The following ERICH5 variants were observed in gnomAD, a reference collection of about 807,000 sequenced individuals.
ERICH5 encodes the protein glutamate-rich protein 5.
A neutral mutation model predicts 28.0 loss-of-function variants in ERICH5; 24 were observed. The ratio of observed to expected loss-of-function variants is 0.86; its 90% CI spans 0.62 to 1.21. ERICH5 has a LOEUF of 1.21. ERICH5 is among the 50% of genes most tolerant of loss of function. The pLI is 0.00. For synonymous variants in ERICH5, 163 were observed against 157.6 expected (o/e 1.03, Z -0.25); for missense variants, 421 against 441.2 (o/e 0.95, Z 0.41).
intron 1 of ERICH5, among the ~76,000 whole-genome samples, chr8:98,067,534 T>A (rs1254943861): frequency 6.6e-6 from 1 of 151,874 alleles, no homozygotes; most frequent in Non-Finnish European, 1.5e-5. Flanking sequence ...CTCAGATCAC[T>A]CTGGATCCCC....
chr8:98,091,966 T>C (rs1387043553), intron 2 of ERICH5, among the ~76,000 whole-genome samples: 9 of 36,008 alleles, frequency 2.5e-4, no homozygotes, highest in African/African-American at 6.7e-4. Context: ...CTTTCTTTTT[T>C]CTTTCTTTTT....
At position 98,079,093 on chromosome 8, in the gene ERICH5, T is replaced by C. The variant is rs116969543; in HGVS notation, c.59-9983T>C. Among the ~76,000 whole-genome samples, 1,466 of 150,246 alleles carry C rather than the reference T, an allele frequency of 9.8e-3. 11 individuals carry two copies. The highest frequency in any genetic ancestry group is 0.017 in the Middle Eastern group (5 of 286). ...ACCAAGTTGTGCTTAATGAAGGGAGTAGCTATTTGAATTTCCCCGAAGACA... is the reference window on the plus strand; with the variant it reads ...ACCAAGTTGTGCTTAATGAAGGGAGCAGCTATTTGAATTTCCCCGAAGACA... On this transcript the variant is annotated intron_variant, in intron 1 of 2. Coordinates refer to ENST00000318528, the MANE Select transcript of ERICH5 (RefSeq NM_173549.3).
intron 1 of ERICH5, among the ~76,000 whole-genome samples, chr8:98,071,578 A>G (rs1814919523): frequency 6.6e-6 from 1 of 152,080 alleles, no homozygotes; most frequent in African/African-American, 2.4e-5. Flanking sequence ...CCTGGACCCA[A>G]ATTATCCTTC....
chr8:98,091,841 T>C (rs1053258743), intron 2 of ERICH5, among the ~76,000 whole-genome samples: 2 of 47,440 alleles, frequency 4.2e-5, no homozygotes, highest in Non-Finnish European at 8.6e-5. Context: ...TTTCTTTTTC[T>C]TTCTTTCTTT....
intron 1 of ERICH5, among the ~76,000 whole-genome samples, chr8:98,084,076 A>C: frequency 7.0e-6 from 1 of 143,028 alleles, no homozygotes. Flanking sequence ...TTTTGTAGAC[A>C]TCAGGTCTCG....
At chr8:98,067,261 C>T (rs1237797410) in intron 1 of ERICH5, among the ~76,000 whole-genome samples, 1 of 151,086 alleles carries the variant, frequency 6.6e-6, no homozygotes, top group Admixed American at 6.6e-5. Context: ...ATAGTAAGAC[C>T]CTGTATCTAA....
intron 1 of ERICH5, among the ~76,000 whole-genome samples, chr8:98,083,910 C>G (rs1815225435): frequency 6.6e-6 from 1 of 152,160 alleles, no homozygotes; most frequent in African/African-American, 2.4e-5. Flanking sequence ...GAGACAGGGT[C>G]TCACTCCCTT....
intron 1 of ERICH5, among the ~76,000 whole-genome samples, chr8:98,079,329 C>T (rs1171780458): frequency 4.0e-5 from 6 of 151,838 alleles, no homozygotes; most frequent in Non-Finnish European, 8.8e-5. Flanking sequence ...TGCCACCATG[C>T]CCAGCTAATC....
chr8:98,089,882 A>C lies in ERICH5; in HGVS notation c.865A>C (p.Thr289Pro). The C allele has an allele frequency of 6.2e-7, 1 of 1,614,190 alleles. No individual in the cohort carries two copies. The highest frequency in any genetic ancestry group is 8.5e-7 in the Non-Finnish European group (1 of 1,180,032). The change falls in exon 2 of 3, where the codon ACT (threonine) becomes CCT (proline). Residue 289 changes from threonine (T) to proline (P), a missense_variant. By Grantham distance (38) the Thr-to-Pro change is conservative. Transcript: ENST00000318528. Reference sequence around the variant, plus strand: ...TGTTATGAATGATCCATTCCATAAAACTCCTGAAGGTCCAGGAAACATGGA... The same window carrying C: ...TGTTATGAATGATCCATTCCATAAACCTCCTGAAGGTCCAGGAAACATGGA... The part of the protein sequence containing the change: ...KPVMNDPFHK[T>P]PEGPGNMEQI...
At chr8:98,076,666 C>T (rs1174724818) in intron 1 of ERICH5, among the ~76,000 whole-genome samples, 2 of 152,130 alleles carry the variant, frequency 1.3e-5, no homozygotes, top group African/African-American at 2.4e-5. Flanking sequence ...CCTGTATATT[C>T]ATATAGGATT....
chr8:98,064,832 A>C, intron 1 of ERICH5, 105 bp downstream of exon 1: 1 of 848,780 alleles, frequency 1.2e-6, no homozygotes, highest in Non-Finnish European at 1.7e-6. Flanking sequence ...GCCTGGCAGG[A>C]GCCGGGCCTT....
chr8:98,089,693 G>C lies in ERICH5; in HGVS notation c.676G>C (p.Glu226Gln), dbSNP rs1348080428. ...TCTAGAAACAATTTCCAAAGAGAAT[G>C]AATCTCCAGAAATATTGGAAGGAAG... ...PLLETISKEN[E>Q]SPEILEGSQF... The change falls in exon 2 of 3, where the codon GAA becomes CAA. Residue 226 changes from glutamate to glutamine, a missense_variant. Coordinates refer to ENST00000318528, the MANE Select transcript of ERICH5 (RefSeq NM_173549.3). 1.9e-6 allele frequency: 3 copies of C among 1,614,034 alleles called. No individual in the cohort carries two copies. In the African/African-American group the frequency reaches 4.0e-5, roughly 22 times the overall value.
chr8:98,087,663 A>G lies in ERICH5; in HGVS notation c.59-1413A>G, dbSNP rs1048472054. ...TTCAACATTGCCATAATCATACTTT[A>G]TATAAAATTGATAGCTAACTTGTTG... On this transcript the variant is annotated intron_variant, in intron 1 of 2. Transcript: ENST00000318528. Among the ~76,000 whole-genome samples the G allele has an allele frequency of 4.7e-5, 7 of 147,384 alleles. 1 individual carries two copies. Among genetic ancestry groups the G allele is most frequent in the South Asian group, 4.3e-4 (2 of 4,698 alleles).
chr8:98,092,181 A>C (rs1047172404), intron 2 of ERICH5, among the ~76,000 whole-genome samples: 1 of 151,498 alleles, frequency 6.6e-6, no homozygotes, highest in African/African-American at 2.4e-5. Context: ...TTTCTTTTAA[A>C]AAATTATTAC....
intron 2 of ERICH5, among the ~76,000 whole-genome samples, chr8:98,091,967 C>T (rs867750249): frequency 7.5e-4 from 39 of 52,246 alleles, no homozygotes; most frequent in South Asian, 3.2e-3. Context: ...TTTCTTTTTT[C>T]TTTCTTTTTC....
chr8:98,074,917 T>C (rs1398368259), intron 1 of ERICH5, among the ~76,000 whole-genome samples: 1 of 152,200 alleles, frequency 6.6e-6, no homozygotes, highest in Admixed American at 6.5e-5. Context: ...GAATCCCACA[T>C]TGCATGTAGT....
Position 98,093,476 on chromosome 8 carries a change from A to T in ERICH5, c.*143A>T. On this transcript the variant is annotated 3_prime_UTR_variant, in exon 3 of 3. Transcript: ENST00000318528. Reference sequence around the variant, plus strand: ...TAGAGAGACTGTTGGAACCATGAGAAGGATGTTTCTGTGTTCTTGATTATA... The same window carrying T: ...TAGAGAGACTGTTGGAACCATGAGATGGATGTTTCTGTGTTCTTGATTATA... 1 of 527,662 alleles carries T rather than the reference A, an allele frequency of 1.9e-6. No homozygotes were observed. The highest frequency in any genetic ancestry group is 3.3e-6 in the Non-Finnish European group (1 of 300,668). The allele number at this position is 527,662 out of a possible 1,614,324, so 32.7% of individuals were successfully genotyped here.
At chr8:98,071,351 T>A (rs375328323) in intron 1 of ERICH5, among the ~76,000 whole-genome samples, 164 of 152,376 alleles carry the variant, frequency 1.1e-3, no homozygotes, top group African/African-American at 3.6e-3. Flanking sequence ...CACTTCTATG[T>A]TAATGTTTTA....
At chr8:98,082,645 C>CAA (rs34955015) in intron 1 of ERICH5, among the ~76,000 whole-genome samples, 370 of 127,834 alleles carry the variant, frequency 2.9e-3, no homozygotes, top group Middle Eastern at 8.3e-3. Context: ...AACTCCATCT[C>CAA]AAAAAAAAAA....
Sources: gnomAD v4.1 joint callset for allele counts (sites outside exome capture counted in the v4.1 genomes callset) on GRCh38, gnomAD v4.1.1 for gene constraint, MANE v1.5 for transcripts, NCBI Gene and HGNC (gene_info 2026-07-23, HGNC 2026-07-21) for gene names.